The following RANBP2 variants were observed in gnomAD, a reference collection of about 807,000 sequenced individuals.
RANBP2 encodes the protein RAN binding protein 2.
RANBP2 carries 57 observed loss-of-function variants against 303.6 expected under a neutral mutation model. The ratio of observed to expected loss-of-function variants is 0.19; its 90% CI spans 0.15 to 0.23. RANBP2 has a LOEUF of 0.23. Among genes scored for constraint, RANBP2 ranks in the 10% least tolerant of loss-of-function variants. The pLI is 1.00. For synonymous variants in RANBP2, 1,167 were observed against 1,301.5 expected, an observed-to-expected ratio of 0.90 and a Z score of 2.23; for missense variants, 3,138 against 3,780.8, an observed-to-expected ratio of 0.83 and a Z score of 4.46.
the RANBP2 span, among the ~76,000 whole-genome samples, chr2:109,055,751 G>A: frequency 1.5e-5 from 2 of 130,602 alleles, no homozygotes; most frequent in South Asian, 2.4e-4. Flanking sequence ...CCTTGTGACA[G>A]CTCTAACATT....
the RANBP2 span, among the ~76,000 whole-genome samples, chr2:108,949,024 T>TCCA: frequency 6.6e-6 from 1 of 152,214 alleles, no homozygotes; most frequent in African/African-American, 2.4e-5. Context: ...TCACCCAGGC[T>TCCA]GGAGTGCAGT....
chr2:109,195,634 G>T, the RANBP2 span, among the ~76,000 whole-genome samples: 1 of 152,134 alleles, frequency 6.6e-6, no homozygotes, highest in Non-Finnish European at 1.5e-5. Flanking sequence ...CTCTTTCCCC[G>T]CAGGCAGCCT....
the RANBP2 span, among the ~76,000 whole-genome samples, chr2:109,241,340 A>G: frequency 2.0e-5 from 3 of 152,198 alleles, no homozygotes; most frequent in Middle Eastern, 3.2e-3. Context: ...TTTGAAGTGG[A>G]AAAAAAGTAT....
At chr2:109,411,678 G>A in the RANBP2 span, among the ~76,000 whole-genome samples, 1 of 152,044 alleles carries the variant, frequency 6.6e-6, no homozygotes, top group South Asian at 2.1e-4. Context: ...GATGTCCCTC[G>A]CACCCCTCGC....
the RANBP2 span, among the ~76,000 whole-genome samples, chr2:108,887,128 T>C: frequency 6.6e-6 from 1 of 152,244 alleles, no homozygotes; most frequent in Non-Finnish European, 1.5e-5. Flanking sequence ...TACCATTTAT[T>C]GAAGAGGGTG....
the RANBP2 span, among the ~76,000 whole-genome samples, chr2:109,717,158 T>C: frequency 2.6e-5 from 4 of 151,694 alleles, no homozygotes; most frequent in African/African-American, 9.7e-5. Flanking sequence ...AAAAATTATT[T>C]GGACCAATAA....
At chr2:108,963,210 T>C in the RANBP2 span, among the ~76,000 whole-genome samples, 1 of 152,176 alleles carries the variant, frequency 6.6e-6, no homozygotes, top group Non-Finnish European at 1.5e-5. Context: ...AAGTTTTACA[T>C]GATGTATTCT....
the RANBP2 span, among the ~76,000 whole-genome samples, chr2:108,871,064 G>T: frequency 6.6e-6 from 1 of 152,110 alleles, no homozygotes; most frequent in Non-Finnish European, 1.5e-5. Flanking sequence ...CGTCATTAAT[G>T]TTAGGTGAAC....
the RANBP2 span, among the ~76,000 whole-genome samples, chr2:109,480,837 G>T: frequency 6.6e-6 from 1 of 152,178 alleles, no homozygotes; most frequent in Admixed American, 6.5e-5. Flanking sequence ...ATGGAGGGCG[G>T]TTCGCTGTTC....
the RANBP2 span, among the ~76,000 whole-genome samples, chr2:108,951,730 TC>T: frequency 2.6e-5 from 4 of 152,152 alleles, no homozygotes; most frequent in African/African-American, 9.7e-5. Flanking sequence ...TTCTTCCATT[TC>T]TGCGAGTCCA....
the RANBP2 span, among the ~76,000 whole-genome samples, chr2:109,480,904 A>C: frequency 1.3e-5 from 2 of 152,178 alleles, no homozygotes; most frequent in African/African-American, 2.4e-5. Flanking sequence ...TTTCTGTCTT[A>C]AAAGAATGTC....
the RANBP2 span, chr2:109,615,077 C>T: frequency 6.5e-7 from 1 of 1,549,356 alleles, no homozygotes; most frequent in African/African-American, 1.4e-5. Context: ...TGGGGGCTAC[C>T]GCACAGAGGC....
the RANBP2 span, chr2:109,574,596 C>A: frequency 6.4e-7 from 1 of 1,556,666 alleles, no homozygotes; most frequent in Non-Finnish European, 8.7e-7. Context: ...TGTCAAGGTT[C>A]TTCATGGTTA....
chr2:109,371,481 C>A, the RANBP2 span: 8 of 855,978 alleles, frequency 9.3e-6, no homozygotes, highest in Non-Finnish European at 1.3e-5. Context: ...GAACTCATTC[C>A]TTGGAATCTC....
At chr2:109,292,674 G>C in the RANBP2 span, among the ~76,000 whole-genome samples, 1 of 152,234 alleles carries the variant, frequency 6.6e-6, no homozygotes, top group Admixed American at 6.5e-5. Flanking sequence ...TTTTGGGATG[G>C]TGCTGAGAGG....
chr2:109,636,348 G>A, the RANBP2 span, among the ~76,000 whole-genome samples: 1 of 151,880 alleles, frequency 6.6e-6, no homozygotes, highest in Non-Finnish European at 1.5e-5. Flanking sequence ...CTTCTGATAG[G>A]ATACACATTA....
chr2:109,229,623 T>C, the RANBP2 span, among the ~76,000 whole-genome samples: 5 of 152,076 alleles, frequency 3.3e-5, no homozygotes, highest in African/African-American at 1.2e-4. Flanking sequence ...TCTCTAGGAA[T>C]TGGCAGCCCC....
chr2:109,536,797 G>C, the RANBP2 span, among the ~76,000 whole-genome samples: 288 of 152,274 alleles, frequency 1.9e-3, no homozygotes, highest in African/African-American at 6.7e-3. Context: ...TCATGGGGAC[G>C]TCTTTCCTGT....
At chr2:109,477,761 C>T in the RANBP2 span, among the ~76,000 whole-genome samples, 10 of 152,224 alleles carry the variant, frequency 6.6e-5, no homozygotes, top group South Asian at 1.0e-3. Context: ...TCATAGACGG[C>T]GCCTTCTCAC....
Sources: gnomAD v4.1 joint callset for allele counts (sites outside exome capture counted in the v4.1 genomes callset) on GRCh38, gnomAD v4.1.1 for gene constraint, MANE v1.5 for transcripts, NCBI Gene and HGNC (gene_info 2026-07-23, HGNC 2026-07-21) for gene names.